Variants in KHDC1 observed in about 807,000 individuals in gnomAD.
KHDC1 encodes KH domain containing 1.
KHDC1 carries 21 observed loss-of-function variants against 24.7 expected under a neutral mutation model. That is an observed-to-expected ratio of 0.85 (90% confidence interval 0.60 to 1.23). KHDC1 has a LOEUF of 1.23. Among genes scored for constraint, KHDC1 ranks in the 50% most tolerant of loss-of-function variants. KHDC1 has a pLI of 0.00. For synonymous variants in KHDC1, 98 were observed against 111.7 expected, an observed-to-expected ratio of 0.88 and a Z score of 0.77; for missense variants, 274 against 298.5, an observed-to-expected ratio of 0.92 and a Z score of 0.61.
chr6:73,289,302 C>A (rs565041917), intron 2 of KHDC1, among the ~76,000 whole-genome samples: 3 of 138,250 alleles, frequency 2.2e-5, no homozygotes, highest in Non-Finnish European at 4.5e-5. Flanking sequence ...CCACTGCACT[C>A]CGGCCTGGGC....
chr6:73,284,187 G>C (rs1283284618), intron 2 of KHDC1, among the ~76,000 whole-genome samples: 1 of 152,162 alleles, frequency 6.6e-6, no homozygotes, highest in African/African-American at 2.4e-5. Context: ...GAGAGGGCCT[G>C]ACTTCTGCCA....
chr6:73,282,563 G>A (rs1296764170), intron 2 of KHDC1, among the ~76,000 whole-genome samples: 1 of 152,070 alleles, frequency 6.6e-6, no homozygotes, highest in Non-Finnish European at 1.5e-5. Context: ...ACTAACAAAG[G>A]AGCCACAAGG....
At chr6:73,307,261 C>T (rs1481967684) in intron 1 of KHDC1, among the ~76,000 whole-genome samples, 2 of 151,816 alleles carry the variant, frequency 1.3e-5, no homozygotes, top group Non-Finnish European at 2.9e-5. Flanking sequence ...AACCCCGTCT[C>T]TATTAAAAAT....
exon 1 of KHDC1, chr6:73,310,120 T>G: frequency 5.1e-6 from 1 of 194,626 alleles, no homozygotes; most frequent in South Asian, 8.3e-5. Context: ...CGGAGCAGCA[T>G]CCCGCCGCCC....
At chr6:73,293,105 G>A in intron 1 of KHDC1, 1 of 917,508 alleles carries the variant, frequency 1.1e-6, no homozygotes, top group Non-Finnish European at 1.8e-6. Flanking sequence ...TTCTAAATTA[G>A]GTCATGTGGT....
intron 2 of KHDC1, chr6:73,276,586 G>A (rs1456074481): frequency 6.6e-6 from 1 of 151,882 alleles, no homozygotes; most frequent in East Asian, 1.9e-4. Context: ...AAGATCACTT[G>A]AGCTTGGGAG....
At chr6:73,287,269 G>A (rs760138735) in intron 2 of KHDC1, among the ~76,000 whole-genome samples, 1 of 152,076 alleles carries the variant, frequency 6.6e-6, no homozygotes, top group Non-Finnish European at 1.5e-5. Flanking sequence ...TAGCAATTGC[G>A]ATGATAGCCA....
Position 73,288,869 on chromosome 6 carries a change from G to A in KHDC1, c.206+3129C>T, listed in dbSNP as rs538903729. Among the ~76,000 whole-genome samples, 4 of 150,506 alleles carry A rather than the reference G, an allele frequency of 2.7e-5. No individual in the cohort carries two copies. In the East Asian group the frequency reaches 5.8e-4, roughly 22 times the overall value. On this transcript the variant is annotated intron_variant, in intron 2 of 4. Coordinates refer to ENST00000370384, the Ensembl canonical transcript of KHDC1. Reference sequence around the variant, plus strand: ...TAGAGGTAGGGAGTGTTTAGATAATGGAAAAGCCTAGCCTAATAACACAGC... The same window carrying A: ...TAGAGGTAGGGAGTGTTTAGATAATAGAAAAGCCTAGCCTAATAACACAGC...
exon 5 of KHDC1, chr6:73,241,449 G>A: frequency 7.3e-7 from 1 of 1,367,392 alleles, no homozygotes; most frequent in Non-Finnish European, 1.0e-6. Flanking sequence ...TTTCCTCAGT[G>A]TCTATCATGT....
chr6:73,291,914 A>G, intron 2 of KHDC1: 2 of 1,467,866 alleles, frequency 1.4e-6, no homozygotes, highest in South Asian at 2.4e-5. Context: ...TCCTGAATCT[A>G]TTTTTAAAAA....
At chr6:73,262,849 T>A (rs1443266839) in intron 2 of KHDC1, 5 of 985,616 alleles carry the variant, frequency 5.1e-6, no homozygotes, top group Non-Finnish European at 6.0e-6. Flanking sequence ...AAGCAGATAA[T>A]CCTAATGGAG....
At chr6:73,260,499 G>C (rs1024563936) in intron 2 of KHDC1, among the ~76,000 whole-genome samples, 6 of 152,090 alleles carry the variant, frequency 3.9e-5, no homozygotes, top group Admixed American at 2.0e-4. Flanking sequence ...TGCAAAAAAA[G>C]TTTCCAGTTA....
At chr6:73,287,048 G>C (rs1005341833) in intron 2 of KHDC1, among the ~76,000 whole-genome samples, 3 of 152,154 alleles carry the variant, frequency 2.0e-5, no homozygotes, top group Admixed American at 1.3e-4. Flanking sequence ...AAAGGTAGAT[G>C]AATGAAAAGG....
intron 2 of KHDC1, among the ~76,000 whole-genome samples, chr6:73,248,030 G>GGCTGT (rs1426169445): frequency 1.3e-5 from 2 of 152,248 alleles, no homozygotes; most frequent in East Asian, 3.9e-4. Context: ...TCCTGTTGCA[G>GGCTGT]GCTGTTTCCC....
chr6:73,252,383 T>G (rs1024159256), intron 2 of KHDC1, among the ~76,000 whole-genome samples: 13 of 152,200 alleles, frequency 8.5e-5, no homozygotes, highest in Non-Finnish European at 1.5e-4. Flanking sequence ...GAAAATTTTT[T>G]TATAGATATC....
At chr6:73,246,226 A>G (rs563722694) in intron 2 of KHDC1, among the ~76,000 whole-genome samples, 41 of 152,224 alleles carry the variant, frequency 2.7e-4, no homozygotes, top group Non-Finnish European at 4.4e-4. Context: ...ACTCAGAAAT[A>G]TTACCTCTTT....
chr6:73,273,945 G>A (rs1210787878), intron 2 of KHDC1, among the ~76,000 whole-genome samples: 1 of 152,048 alleles, frequency 6.6e-6, no homozygotes, highest in Non-Finnish European at 1.5e-5. Flanking sequence ...TAATGAAACT[G>A]CATCTCCATA....
intron 2 of KHDC1, chr6:73,268,062 A>G (rs539010): frequency 0.93 from 145,944 of 157,572 alleles, 68,538 homozygotes; most frequent in East Asian, 1. Flanking sequence ...TCCGGAATTG[A>G]TGGGTTCTTG....
exon 4 of KHDC1, chr6:73,242,086 C>T (rs1458280310): frequency 1.9e-6 from 3 of 1,613,700 alleles, no homozygotes; most frequent in Non-Finnish European, 2.5e-6. Context: ...CCTGGCTCCC[C>T]ACACAACAAA....
Sources: gnomAD v4.1 joint callset for allele counts (sites outside exome capture counted in the v4.1 genomes callset) on GRCh38, gnomAD v4.1.1 for gene constraint, MANE v1.5 for transcripts, NCBI Gene and HGNC (gene_info 2026-07-23, HGNC 2026-07-21) for gene names.